The following LRPPRC variants were observed in gnomAD, a reference collection of about 807,000 sequenced individuals.
LRPPRC encodes the protein leucine rich pentatricopeptide repeat containing, also known as leucine-rich PPR motif-containing protein, mitochondrial.
In LRPPRC, 120 loss-of-function variants were observed where a neutral mutation model predicts 180.3. That is an observed-to-expected ratio of 0.67 (90% CI 0.57 to 0.77). The LOEUF (loss-of-function observed/expected upper bound fraction) is 0.77, where lower values mean the gene tolerates loss of function less well. LRPPRC is among the 30% of genes least tolerant of loss of function. LRPPRC has a pLI of 0.00. For synonymous variants in LRPPRC, 723 were observed against 600.0 expected, an observed-to-expected ratio of 1.21 and a Z score of -3.00; for missense variants, 2,012 against 1,657.2, an observed-to-expected ratio of 1.21 and a Z score of -3.72.
chr2:43,926,475 C>A (rs947576426), intron 25 of LRPPRC, among the ~76,000 whole-genome samples: 1 of 152,094 alleles, frequency 6.6e-6, no homozygotes, highest in Admixed American at 6.6e-5. Context: ...TCAAGTAATT[C>A]TCCTGCCTCA....
intron 32 of LRPPRC, among the ~76,000 whole-genome samples, chr2:43,899,884 T>A (rs990093605): frequency 1.3e-5 from 2 of 152,192 alleles, no homozygotes; most frequent in Non-Finnish European, 2.9e-5. Flanking sequence ...ACAGACAAGA[T>A]CAAACAACTA....
At chr2:43,962,793 G>A (rs1294305960) in intron 12 of LRPPRC, among the ~76,000 whole-genome samples, 1 of 152,134 alleles carries the variant, frequency 6.6e-6, no homozygotes, top group African/African-American at 2.4e-5. Context: ...TTTATGGGAA[G>A]TGAAAAATAA....
intron 22 of LRPPRC, among the ~76,000 whole-genome samples, chr2:43,944,667 G>A (rs1439090203): frequency 6.6e-6 from 1 of 151,900 alleles, no homozygotes; most frequent in Non-Finnish European, 1.5e-5. Flanking sequence ...AAGGAAAAGA[G>A]GAAGGCTAAA....
chr2:43,976,072 G>T (rs1039727720), intron 6 of LRPPRC, 71 bp downstream of exon 6: 1 of 850,408 alleles, frequency 1.2e-6, no homozygotes, highest in Non-Finnish European at 2.0e-6. Flanking sequence ...AAACAAAAAA[G>T]GAGTAAAATG....
At chr2:43,948,587 T>C in intron 16 of LRPPRC, 69 bp from the exon 17 acceptor site, 1 of 841,278 alleles carries the variant, frequency 1.2e-6, no homozygotes, top group Non-Finnish European at 2.1e-6. Context: ...AAGATTAATT[T>C]ATAAGAAATC....
At chr2:43,919,050 G>A (rs1208272564) in intron 27 of LRPPRC, among the ~76,000 whole-genome samples, 1 of 152,006 alleles carries the variant, frequency 6.6e-6, no homozygotes, top group East Asian at 1.9e-4. Context: ...GAATGTGTAC[G>A]GTGGGTGGGC....
chr2:43,976,966 G>C (rs371709550), intron 5 of LRPPRC, 28 bp downstream of exon 5: 1 of 1,585,826 alleles, frequency 6.3e-7, no homozygotes, highest in Non-Finnish European at 8.7e-7. Flanking sequence ...AAATTTGTTC[G>C]CTTAAACATG....
intron 34 of LRPPRC, among the ~76,000 whole-genome samples, chr2:43,897,552 C>G (rs917462377): frequency 2.6e-5 from 4 of 152,064 alleles, no homozygotes; most frequent in Non-Finnish European, 4.4e-5. Flanking sequence ...TTCTTCGCTA[C>G]GGCAAGAATA....
Position 43,982,370 on chromosome 2 carries a change from A to G in LRPPRC, c.214T>C (p.Ser72Pro), listed in dbSNP as rs1486288925. The G allele has an allele frequency of 6.2e-7, 1 of 1,613,744 alleles. No individual in the cohort carries two copies. The highest frequency in any genetic ancestry group is 1.3e-5 in the African/African-American group (1 of 74,986). ...GAAATCTTCCTAGAAGAAAAAGTGGACTCCTCTTGAATATCTTTTTCTTTG... is the reference window on the plus strand; with the variant it reads ...GAAATCTTCCTAGAAGAAAAAGTGGGCTCCTCTTGAATATCTTTTTCTTTG... ...AAKEKDIQEE[S>P]TFSSRKISNQ... Residue 72 changes from serine to proline, a missense_variant, in exon 2 of 38, where the codon TCC (serine) becomes CCC (proline). Physicochemically the swap from Ser to Pro is moderately conservative, Grantham distance 74. Coordinates refer to ENST00000260665, the MANE Select transcript of LRPPRC (RefSeq NM_133259.4).
chr2:43,909,045 TG>T (rs1671162028), intron 30 of LRPPRC, among the ~76,000 whole-genome samples: 1 of 152,134 alleles, frequency 6.6e-6, no homozygotes, highest in Admixed American at 6.5e-5. Flanking sequence ...GAATGGGAAA[TG>T]GGAAGAGAGG....
intron 11 of LRPPRC, among the ~76,000 whole-genome samples, chr2:43,971,548 C>T (rs1341898060): frequency 1.0e-5 from 1 of 98,966 alleles, no homozygotes; most frequent in East Asian, 2.1e-4. Flanking sequence ...AAAAAAAAGA[C>T]ACTTGATTAT....
At chr2:43,988,779 G>A (rs1256679954) in intron 1 of LRPPRC, among the ~76,000 whole-genome samples, 5 of 151,902 alleles carry the variant, frequency 3.3e-5, no homozygotes, top group Non-Finnish European at 7.4e-5. Context: ...TCCTGACCTC[G>A]TGATCCGCCC....
At chr2:43,992,718 T>G (rs1237478793) in intron 1 of LRPPRC, among the ~76,000 whole-genome samples, 4 of 152,022 alleles carry the variant, frequency 2.6e-5, no homozygotes, top group African/African-American at 9.7e-5. Context: ...AAAACAAATA[T>G]GTAGATATCC....
chr2:43,893,879 G>A (rs1670586145), intron 36 of LRPPRC, among the ~76,000 whole-genome samples: 1 of 152,116 alleles, frequency 6.6e-6, no homozygotes, highest in Non-Finnish European at 1.5e-5. Flanking sequence ...AATCAATGAA[G>A]CAATTCTTTA....
intron 23 of LRPPRC, among the ~76,000 whole-genome samples, chr2:43,936,245 C>A (rs1422304536): frequency 6.6e-6 from 1 of 152,156 alleles, no homozygotes; most frequent in East Asian, 1.9e-4. Context: ...ACTAGGTAAG[C>A]AAGTCGCTGG....
At chr2:43,909,161 A>T (rs1671166614) in intron 30 of LRPPRC, among the ~76,000 whole-genome samples, 1 of 152,212 alleles carries the variant, frequency 6.6e-6, no homozygotes, top group Non-Finnish European at 1.5e-5. Flanking sequence ...TCACTTCTGA[A>T]TTTTCAGTCC....
In LRPPRC at chr2:43,959,690, T is replaced by C. The variant is rs556330515; in HGVS notation, c.1582+851A>G. ...GAGGCTGAGGCAGGCGGATCACTTG[T>C]GGTCAGGAGTGGTGAAACTCTGTCT... On this transcript the variant is annotated intron_variant, in intron 13 of 37. Coordinates refer to ENST00000260665, the MANE Select transcript of LRPPRC (RefSeq NM_133259.4). Among the ~76,000 whole-genome samples the C allele has an allele frequency of 9.0e-4, 137 of 152,002 alleles. No homozygotes were observed. In the Middle Eastern group the frequency reaches 0.01, roughly 11 times the overall value.
intron 1 of LRPPRC, among the ~76,000 whole-genome samples, chr2:43,993,507 C>T (rs546196657): frequency 6.6e-5 from 10 of 152,138 alleles, no homozygotes; most frequent in African/African-American, 2.2e-4. Context: ...GAAGTATGGA[C>T]AGGGAAGAGA....
Position 43,995,964 on chromosome 2 carries a change from C to G in LRPPRC, c.-17G>C. On this transcript the variant is annotated 5_prime_UTR_variant, in exon 1 of 38. Transcript: ENST00000260665. ...GGCTGCCATTGCTCGAACGTCCCCG[C>G]AGCGGGAAGCACGCTCCGCCAGAAG... The G allele has an allele frequency of 6.6e-7, 1 of 1,524,058 alleles. No individual in the cohort carries two copies. Among genetic ancestry groups the G allele is most frequent in the Non-Finnish European group, 8.8e-7 (1 of 1,142,312 alleles). The allele number at this position is 1,524,058 out of a possible 1,614,324, so 94.4% of individuals were successfully genotyped here.
Sources: gnomAD v4.1 joint callset for allele counts (sites outside exome capture counted in the v4.1 genomes callset) on GRCh38, gnomAD v4.1.1 for gene constraint, MANE v1.5 for transcripts, NCBI Gene and HGNC (gene_info 2026-07-23, HGNC 2026-07-21) for gene names.